Variants in PCDHGB2 observed in about 807,000 individuals in gnomAD.
PCDHGB2 encodes the protein protocadherin gamma-B2.
A neutral mutation model predicts 59.3 loss-of-function variants in PCDHGB2; 55 were observed. The observed-to-expected ratio is 0.93, with a 90% CI of 0.75 to 1.16. The LOEUF is 1.16. Ranked by LOEUF, PCDHGB2 falls within the 50% of genes most tolerant of loss-of-function variation. PCDHGB2 has a pLI of 0.00. For synonymous variants in PCDHGB2, 516 were observed against 512.0 expected, an observed-to-expected ratio of 1.01 and a Z score of -0.11; for missense variants, 1,228 against 1,198.5, an observed-to-expected ratio of 1.02 and a Z score of -0.36.
In PCDHGB2 at chr5:141,511,224, G is replaced by T. The variant is rs752401867; in HGVS notation, c.*51G>T. On this transcript the variant is annotated 3_prime_UTR_variant, in exon 4 of 4. Coordinates refer to ENST00000522605, the MANE Select transcript of PCDHGB2 (RefSeq NM_018923.3). ...GGGCGGCCTCTCCCCAACCAGCCCA[G>T]CTTCTCCTTACCTGCACCCAGGCCT... is the stretch of plus-strand genomic sequence containing the variant. 44 of 1,603,158 alleles carry T rather than the reference G, an allele frequency of 2.7e-5. No individual in the cohort carries two copies. Among genetic ancestry groups the T allele is most frequent in the Non-Finnish European group, 3.6e-5 (42 of 1,174,924 alleles).
chr5:141,371,840 A>T, intron 1 of PCDHGB2: 1 of 1,613,642 alleles, frequency 6.2e-7, no homozygotes, highest in African/African-American at 1.3e-5. Flanking sequence ...CCGACTTGGG[A>T]CCTAATGGCC....
chr5:141,410,435 G>C (rs772158163), intron 1 of PCDHGB2: 5 of 1,614,054 alleles, frequency 3.1e-6, no homozygotes, highest in Non-Finnish European at 4.2e-6. Flanking sequence ...CAACTACAGT[G>C]AGGGGACTTT....
chr5:141,392,692 C>T, intron 1 of PCDHGB2: 11 of 1,148,308 alleles, frequency 9.6e-6, no homozygotes, highest in Non-Finnish European at 1.3e-5. Flanking sequence ...CGAAACCCGA[C>T]CCCTGTTTGG....
intron 1 of PCDHGB2, chr5:141,378,932 C>T (rs1274056612): frequency 1.2e-4 from 18 of 152,100 alleles, no homozygotes; most frequent in Admixed American, 1.2e-3. Context: ...AAGTTGATGG[C>T]CCTGGAATGA....
intron 1 of PCDHGB2, chr5:141,413,021 C>A: frequency 2.8e-6 from 2 of 714,374 alleles, no homozygotes; most frequent in Non-Finnish European, 4.4e-6. Context: ...TACACAAGCC[C>A]CACAAACCGG....
In PCDHGB2 at chr5:141,489,223, C is replaced by T. The variant is rs771455540; in HGVS notation, c.2422-5584C>T. The T allele has an allele frequency of 6.6e-7, 1 of 1,515,444 alleles. No homozygotes were observed. The highest frequency in any genetic ancestry group is 1.3e-5 in the South Asian group (1 of 75,776). 93.9% of individuals were successfully genotyped at this position (1,515,444 alleles called of 1,614,324 possible). A position where few individuals can be genotyped will look rare whatever the true frequency, so the allele number is the denominator to read the frequency against. The stretch of plus-strand genomic sequence containing the variant: ...CAGGACAGCACAGACTTACTCTCCA[C>T]AAAGGGACTTCTGGGTCATGGGGCC... On this transcript the variant is annotated intron_variant, in intron 1 of 3. Coordinates refer to ENST00000522605, the MANE Select transcript of PCDHGB2 (RefSeq NM_018923.3). The surrounding 1 kb of genome is among the most constrained non-coding windows in gnomAD (Gnocchi z 4.5).
intron 1 of PCDHGB2, among the ~76,000 whole-genome samples, chr5:141,380,802 T>C (rs1776746309): frequency 6.6e-6 from 1 of 152,118 alleles, no homozygotes; most frequent in African/African-American, 2.4e-5. Context: ...AAGAAACAAA[T>C]GTGAGATGAA....
chr5:141,400,245 C>G (rs778709619), intron 1 of PCDHGB2: 32 of 1,613,998 alleles, frequency 2.0e-5, no homozygotes, highest in Non-Finnish European at 2.5e-5. Flanking sequence ...TGATTCTGGC[C>G]GTTGCCTTGC....
rs545943961 is a variant in PCDHGB2, at chr5:141,373,227, T to C, written c.2421+10671T>C. On this transcript the variant is annotated intron_variant, in intron 1 of 3. Coordinates refer to ENST00000522605, the MANE Select transcript of PCDHGB2 (RefSeq NM_018923.3). ...ACACATTTTTAATGTAACCTGTATATAATATTTTTACTTCCCTTTGCATGT... is the reference window on the plus strand; with the variant it reads ...ACACATTTTTAATGTAACCTGTATACAATATTTTTACTTCCCTTTGCATGT... 9.8e-5 allele frequency among the ~76,000 whole-genome samples: 15 copies of C among 152,350 alleles called. No homozygotes were observed. In the East Asian group the frequency reaches 2.7e-3, roughly 27 times the overall value.
intron 1 of PCDHGB2, chr5:141,404,701 G>T (rs563319884): frequency 6.2e-7 from 1 of 1,614,074 alleles, no homozygotes; most frequent in African/African-American, 1.3e-5. Flanking sequence ...GCTCTGCAGA[G>T]CCTGGCTACC....
In PCDHGB2 at chr5:141,490,959, C is replaced by T. The variant is rs1385897960; in HGVS notation, c.2422-3848C>T. ...TGCACCCACGGCCAGACTGGGAACA[C>T]TCAGCCCCCCAGCGTCTCCCTCGCT... On this transcript the variant is annotated intron_variant, in intron 1 of 3. Transcript: ENST00000522605. The surrounding 1 kb of genome is among the most constrained non-coding windows in gnomAD (Gnocchi z 5.4). 6.2e-7 allele frequency: 1 copy of T among 1,613,844 alleles called. No individual in the cohort carries two copies. Among genetic ancestry groups the T allele is most frequent in the South Asian group, 1.1e-5 (1 of 91,038 alleles).
intron 1 of PCDHGB2, chr5:141,409,337 A>T: frequency 6.2e-7 from 1 of 1,614,012 alleles, no homozygotes; most frequent in Non-Finnish European, 8.5e-7. Flanking sequence ...TTTCGGAGGA[A>T]ATGGAGAAGT....
Position 141,476,525 on chromosome 5 carries a change from A to T in PCDHGB2, c.2422-18282A>T, listed in dbSNP as rs766638463. On this transcript the variant is annotated intron_variant, in intron 1 of 3. Coordinates refer to ENST00000522605, the MANE Select transcript of PCDHGB2 (RefSeq NM_018923.3). This position sits in a 1 kb window ranked among gnomAD's most constrained non-coding sequence, Gnocchi z 7.6. ...CAACGACAACAATCCTGCTTTCCCTACCCAGGAAATGAAATTGGAGATTAG... is the reference window on the plus strand; with the variant it reads ...CAACGACAACAATCCTGCTTTCCCTTCCCAGGAAATGAAATTGGAGATTAG... The T allele has an allele frequency of 6.2e-7, 1 of 1,614,068 alleles. No homozygotes were observed. The highest frequency in any genetic ancestry group is 2.2e-5 in the East Asian group (1 of 44,854).
At chr5:141,463,460 T>TA (rs1554144871) in intron 1 of PCDHGB2, among the ~76,000 whole-genome samples, 2 of 136,122 alleles carry the variant, frequency 1.5e-5, no homozygotes, top group Non-Finnish European at 3.1e-5. Context: ...TTTTTTTTTT[T>TA]TTTTTTGAGA....
At chr5:141,369,412 A>G (rs1250548281) in intron 1 of PCDHGB2, among the ~76,000 whole-genome samples, 1 of 152,168 alleles carries the variant, frequency 6.6e-6, no homozygotes, top group Non-Finnish European at 1.5e-5. Context: ...CATGACTATA[A>G]TCCCAGCAAT....
chr5:141,393,543 C>T lies in PCDHGB2; in HGVS notation c.2421+30987C>T, dbSNP rs763455922. On this transcript the variant is annotated intron_variant, in intron 1 of 3. Coordinates refer to ENST00000522605, the MANE Select transcript of PCDHGB2 (RefSeq NM_018923.3). ...AAATGACAATGCCCCGGTTTTTCCT[C>T]ACCCGATTTACCGAGTGAAAGTCCT... is the stretch of plus-strand genomic sequence containing the variant. 7 of 1,613,870 alleles carry T rather than the reference C, an allele frequency of 4.3e-6. No individual in the cohort carries two copies. In the Admixed American group the frequency reaches 8.3e-5, roughly 19 times the overall value.
chr5:141,376,602 A>C, intron 1 of PCDHGB2: 1 of 1,521,112 alleles, frequency 6.6e-7, no homozygotes, highest in Non-Finnish European at 8.9e-7. Context: ...CTGTTATAGA[A>C]GCGAACCTCT....
At chr5:141,474,115 G>A (rs1404490690) in intron 1 of PCDHGB2, among the ~76,000 whole-genome samples, 2 of 152,062 alleles carry the variant, frequency 1.3e-5, no homozygotes, top group South Asian at 2.1e-4. Context: ...CAACAACAAC[G>A]AAAATCTCAG....
At position 141,490,908 on chromosome 5, in the gene PCDHGB2, C is replaced by A; in HGVS notation, c.2422-3899C>A. On this transcript the variant is annotated intron_variant, in intron 1 of 3. Coordinates refer to ENST00000522605, the MANE Select transcript of PCDHGB2 (RefSeq NM_018923.3). The surrounding 1 kb of genome is among the most constrained non-coding windows in gnomAD (Gnocchi z 5.4). The stretch of plus-strand genomic sequence containing the variant: ...CATCTCTGCATGTGTTTGTCCTAGA[C>A]GAGAATGATAATGCCCCAGCTGTGC... The A allele has an allele frequency of 6.2e-7, 1 of 1,613,710 alleles. No homozygotes were observed. Among genetic ancestry groups the A allele is most frequent in the Non-Finnish European group, 8.5e-7 (1 of 1,179,754 alleles).
Sources: gnomAD v4.1 joint callset for allele counts (sites outside exome capture counted in the v4.1 genomes callset) on GRCh38, gnomAD v4.1.1 for gene constraint, Gnocchi (gnomAD v3.1) non-coding constraint, MANE v1.5 for transcripts, NCBI Gene and HGNC (gene_info 2026-07-23, HGNC 2026-07-21) for gene names.